The following CHSY3 variants were observed in gnomAD, a reference collection of about 807,000 sequenced individuals.
The protein encoded by CHSY3 is N-acetylgalactosaminyl-proteoglycan 3-beta-glucuronosyltransferase 3.
CHSY3 carries 35 observed loss-of-function variants against 67.2 expected under a neutral mutation model. The ratio of observed to expected loss-of-function variants is 0.52; its 90% CI spans 0.40 to 0.69. CHSY3 has a LOEUF of 0.69. CHSY3 is among the 30% of genes least tolerant of loss of function. CHSY3 has a pLI of 0.00. For missense variants in CHSY3, 1,069 were observed against 1,138.5 expected (o/e 0.94, Z 0.88); for synonymous variants, 474 against 434.7 (o/e 1.09, Z -1.12).
intron 2 of CHSY3, among the ~76,000 whole-genome samples, chr5:130,139,283 T>A (rs1330668304): frequency 6.6e-6 from 1 of 151,958 alleles, no homozygotes; most frequent in Non-Finnish European, 1.5e-5. Flanking sequence ...CCCAAGGAGG[T>A]CCGTTTAGCA....
intron 2 of CHSY3, among the ~76,000 whole-genome samples, chr5:129,937,182 G>T (rs780370497): frequency 3.3e-5 from 5 of 152,176 alleles, no homozygotes; most frequent in Non-Finnish European, 5.9e-5. Context: ...ATTGGTTCAT[G>T]GTTATGTGGG....
At chr5:129,964,336 C>G (rs1245108754) in intron 2 of CHSY3, among the ~76,000 whole-genome samples, 1 of 151,854 alleles carries the variant, frequency 6.6e-6, no homozygotes, top group Non-Finnish European at 1.5e-5. Context: ...TCCTACTGCC[C>G]TAGCATCTTC....
chr5:129,904,729 C>G lies in CHSY3; in HGVS notation c.-101C>G. 1 of 1,228,894 alleles carries G rather than the reference C, an allele frequency of 8.1e-7. No individual in the cohort carries two copies. The highest frequency in any genetic ancestry group is 1.0e-6 in the Non-Finnish European group (1 of 986,568). 76.1% of individuals were successfully genotyped at this position (1,228,894 alleles called of 1,614,324 possible). On this transcript the variant is annotated 5_prime_UTR_variant, in exon 1 of 3. Transcript: ENST00000305031. ...GCGCCTAGGCGGCCGGCTGCGGCCG[C>G]GGCTGGGGGCGCAAAGGCGGAGGAG... is the stretch of plus-strand genomic sequence containing the variant.
chr5:130,095,065 T>C (rs571019137), intron 2 of CHSY3, among the ~76,000 whole-genome samples: 1 of 152,044 alleles, frequency 6.6e-6, no homozygotes, highest in Non-Finnish European at 1.5e-5. Context: ...ACTAAAAAAT[T>C]GTATATACTA....
intron 2 of CHSY3, among the ~76,000 whole-genome samples, chr5:130,116,698 G>T (rs568589988): frequency 4.7e-4 from 72 of 152,258 alleles, no homozygotes; most frequent in Non-Finnish European, 7.1e-4. Flanking sequence ...ATCCCACAGA[G>T]CCCATCTGTG....
chr5:129,922,140 C>T (rs938443857), intron 2 of CHSY3, among the ~76,000 whole-genome samples: 16 of 152,182 alleles, frequency 1.1e-4, no homozygotes, highest in African/African-American at 3.4e-4. Context: ...CTTGTTCTAT[C>T]CGTGTTGTTG....
intron 2 of CHSY3, among the ~76,000 whole-genome samples, chr5:130,120,486 G>GAAAAAAA (rs34727574): frequency 1.0e-5 from 1 of 95,834 alleles, no homozygotes; most frequent in Non-Finnish European, 2.2e-5. Flanking sequence ...ATTTCTGAAA[G>GAAAAAAA]AAAAAAAAAA....
At chr5:129,906,819 T>C (rs2149573651) in intron 1 of CHSY3, among the ~76,000 whole-genome samples, 1 of 152,350 alleles carries the variant, frequency 6.6e-6, no homozygotes, top group African/African-American at 2.4e-5. Context: ...ATTCGGATAG[T>C]ACTTTTCACA....
intron 2 of CHSY3, among the ~76,000 whole-genome samples, chr5:130,041,533 AC>A (rs879347971): frequency 5.9e-5 from 9 of 152,146 alleles, no homozygotes; most frequent in Non-Finnish European, 1.0e-4. Flanking sequence ...GTTACTTAGC[AC>A]TAGTCAACAT....
intron 2 of CHSY3, among the ~76,000 whole-genome samples, chr5:130,011,561 A>G (rs1764062084): frequency 6.6e-6 from 1 of 152,230 alleles, no homozygotes; most frequent in South Asian, 2.1e-4. Flanking sequence ...GAGAACTGGA[A>G]CAAGGCGAAG....
intron 2 of CHSY3, among the ~76,000 whole-genome samples, chr5:130,123,771 G>C (rs959668657): frequency 6.6e-6 from 1 of 151,996 alleles, no homozygotes; most frequent in East Asian, 1.9e-4. Context: ...GAAGTAAACA[G>C]TTCTGGCCAG....
intron 2 of CHSY3, among the ~76,000 whole-genome samples, chr5:130,083,913 C>T (rs1181208696): frequency 1.3e-5 from 2 of 151,112 alleles, no homozygotes; most frequent in African/African-American, 4.9e-5. Flanking sequence ...TTTTCCTCTT[C>T]TTCTTTAAAT....
intron 2 of CHSY3, among the ~76,000 whole-genome samples, chr5:130,107,894 T>G (rs1229449362): frequency 6.6e-6 from 1 of 151,716 alleles, no homozygotes; most frequent in Non-Finnish European, 1.5e-5. Context: ...CAGAGCAGAA[T>G]AGCTAAGGGG....
At chr5:129,928,062 G>C (rs188752386) in intron 2 of CHSY3, among the ~76,000 whole-genome samples, 39 of 152,048 alleles carry the variant, frequency 2.6e-4, no homozygotes, top group African/African-American at 9.2e-4. Flanking sequence ...TTAAGTTCGG[G>C]AGTACATGTG....
chr5:129,914,840 C>T (rs1268363814), intron 2 of CHSY3, among the ~76,000 whole-genome samples: 1 of 152,132 alleles, frequency 6.6e-6, no homozygotes, highest in East Asian at 1.9e-4. Flanking sequence ...TGATTTACTA[C>T]AATTATGAAA....
At chr5:129,965,323 C>G (rs755412674) in intron 2 of CHSY3, among the ~76,000 whole-genome samples, 2 of 151,896 alleles carry the variant, frequency 1.3e-5, no homozygotes, top group Non-Finnish European at 2.9e-5. Flanking sequence ...TCTACCTTAC[C>G]AGCTTTGAAA....
At chr5:130,063,203 G>C (rs566918089) in intron 2 of CHSY3, among the ~76,000 whole-genome samples, 1 of 151,882 alleles carries the variant, frequency 6.6e-6, no homozygotes, top group Non-Finnish European at 1.5e-5. Context: ...ATGTCTACTC[G>C]CCTGAATCTC....
chr5:130,090,882 A>G (rs989845321), intron 2 of CHSY3, among the ~76,000 whole-genome samples: 4 of 152,252 alleles, frequency 2.6e-5, no homozygotes, highest in Non-Finnish European at 2.9e-5. Context: ...GAAAGGGGGA[A>G]CTTTGCCTTT....
intron 2 of CHSY3, among the ~76,000 whole-genome samples, chr5:130,077,515 A>G (rs1766307523): frequency 6.6e-6 from 1 of 152,162 alleles, no homozygotes; most frequent in African/African-American, 2.4e-5. Flanking sequence ...GCTAATATCC[A>G]TATATGTTTT....
Sources: gnomAD v4.1 joint callset for allele counts (sites outside exome capture counted in the v4.1 genomes callset) on GRCh38, gnomAD v4.1.1 for gene constraint, MANE v1.5 for transcripts, NCBI Gene and HGNC (gene_info 2026-07-23, HGNC 2026-07-21) for gene names.